The following GCA variants were observed in gnomAD, a reference collection of about 807,000 sequenced individuals.
GCA encodes grancalcin.
A neutral mutation model predicts 32.6 loss-of-function variants in GCA; 30 were observed. The observed-to-expected ratio is 0.92, with a 90% CI of 0.69 to 1.25. GCA has a LOEUF of 1.25. GCA is among the 50% of genes most tolerant of loss of function. GCA has a pLI of 0.00. For missense variants in GCA, 291 were observed against 266.8 expected, an observed-to-expected ratio of 1.09 and a Z score of -0.63; for synonymous variants, 102 against 84.6, an observed-to-expected ratio of 1.21 and a Z score of -1.13.
downstream of GCA, among the ~76,000 whole-genome samples, chr2:162,367,516 C>T (rs978362509): frequency 6.6e-5 from 10 of 151,934 alleles, no homozygotes; most frequent in African/African-American, 2.4e-4. Context: ...GCATGTATAA[C>T]ATCGATTCAG....
intron 3 of GCA, among the ~76,000 whole-genome samples, chr2:162,356,026 C>T (rs1416211278): frequency 6.6e-6 from 1 of 151,966 alleles, no homozygotes; most frequent in East Asian, 1.9e-4. Context: ...CATCATATGT[C>T]ACTCTCTCCC....
At chr2:162,332,362 TATATG>T (rs963274347) in intron 1 of GCA, among the ~76,000 whole-genome samples, 4 of 146,342 alleles carry the variant, frequency 2.7e-5, no homozygotes, top group African/African-American at 5.0e-5. Context: ...ATTTATATAT[TATATG>T]ATATATAAAT....
At chr2:162,345,007 A>C (rs558808760) in intron 1 of GCA, among the ~76,000 whole-genome samples, 3 of 146,646 alleles carry the variant, frequency 2.0e-5, no homozygotes, top group Non-Finnish European at 4.5e-5. Flanking sequence ...AAAAAGAGAA[A>C]TTGTGTTTTA....
chr2:162,320,944 C>A (rs1185816921), intron 1 of GCA, among the ~76,000 whole-genome samples: 1 of 152,182 alleles, frequency 6.6e-6, no homozygotes, highest in East Asian at 1.9e-4. Flanking sequence ...CCTCCTCTAA[C>A]CCTATTAGCA....
chr2:162,369,319 C>G (rs1224339998), intron 4 of GCA, among the ~76,000 whole-genome samples: 2 of 151,988 alleles, frequency 1.3e-5, no homozygotes, highest in Non-Finnish European at 2.9e-5. Flanking sequence ...ACATTTATGC[C>G]CAACTAATCA....
At chr2:162,324,123 T>G (rs13402736) in intron 1 of GCA, among the ~76,000 whole-genome samples, 8,404 of 152,194 alleles carry the variant, frequency 0.055, 808 homozygotes, top group African/African-American at 0.19. Context: ...TTACAGCTTC[T>G]GAAGCCTCAG....
At chr2:162,322,095 A>C (rs1683693978) in intron 1 of GCA, among the ~76,000 whole-genome samples, 1 of 150,300 alleles carries the variant, frequency 6.7e-6, no homozygotes, top group Non-Finnish European at 1.5e-5. Context: ...GTAAGCCTAA[A>C]ATAGAAAAAA....
chr2:162,359,541 A>G lies in GCA; in HGVS notation c.616A>G (p.Ile206Val), dbSNP rs764260531. The G allele has an allele frequency of 3.3e-6, 5 of 1,524,592 alleles. 1 individual carries two copies. The highest frequency in any genetic ancestry group is 3.6e-6 in the Non-Finnish European group (4 of 1,107,102). The allele number at this position is 1,524,592 out of a possible 1,614,324, so 94.4% of individuals were successfully genotyped here. Residue 206 changes from isoleucine (I) to valine (V), a missense_variant, in exon 7 of 8, where the codon ATA becomes GTA. Ile to Val is a conservative substitution (Grantham distance 29, BLOSUM62 3). Transcript: ENST00000437150. Reference protein sequence around the residue: ...DHLQQGSANFIYDDFLQGTMA... With the variant: ...DHLQQGSANFVYDDFLQGTMA... ...CTTGCAACAAGGGTCTGCGAATTTC[A>G]TATATGACGATGTGAGTATCCTGCT...
chr2:162,362,312 C>T lies in GCA; in HGVS notation c.*2069C>T, dbSNP rs1382152222. On this transcript the variant is annotated 3_prime_UTR_variant, in exon 8 of 8. Transcript: ENST00000437150. Reference sequence around the variant, plus strand: ...CCGATCCAACTTAATTGCCAGGCAACTCTTCTGCACTTTACATTAAACAGA... The same window carrying T: ...CCGATCCAACTTAATTGCCAGGCAATTCTTCTGCACTTTACATTAAACAGA... 8.1e-6 allele frequency: 8 copies of T among 984,112 alleles called. 1 individual carries two copies. Among genetic ancestry groups the T allele is most frequent in the Non-Finnish European group, 9.7e-6 (8 of 828,996 alleles). 61.0% of individuals were successfully genotyped at this position (984,112 alleles called of 1,614,324 possible).
chr2:162,325,378 G>C (rs1384045533), intron 1 of GCA, among the ~76,000 whole-genome samples: 1 of 152,090 alleles, frequency 6.6e-6, no homozygotes, highest in East Asian at 1.9e-4. Flanking sequence ...CTAACATACT[G>C]TCTGCTCCTG....
rs1256291358 is a variant in GCA, at chr2:162,356,892, C to T, written c.441C>T (p.Ala147=). ...TAGAACATCATGAGTTGCGTCAAGC[C>T]ATTGGTCTTATGGGTAAGAACATTA... is the stretch of plus-strand genomic sequence containing the variant. ...GTVEHHELRQ[A]IGLMGYRLSP... The change falls in exon 5 of 8, where the codon GCC becomes GCT. Residue 147 remains alanine, a synonymous_variant. Transcript: ENST00000437150. 1.2e-6 allele frequency: 2 copies of T among 1,605,978 alleles called. No homozygotes were observed. The highest frequency in any genetic ancestry group is 1.7e-6 in the Non-Finnish European group (2 of 1,174,574).
chr2:162,348,324 T>C (rs1048731780), intron 2 of GCA, among the ~76,000 whole-genome samples: 1 of 152,150 alleles, frequency 6.6e-6, no homozygotes. Context: ...CTCCCATTTT[T>C]TAAAAAAAAC....
downstream of GCA, among the ~76,000 whole-genome samples, chr2:162,364,034 C>T (rs1286170376): frequency 6.6e-6 from 1 of 151,342 alleles, no homozygotes; most frequent in African/African-American, 2.4e-5. Context: ...CAAAGCTTAC[C>T]GGGAGTGAGA....
At chr2:162,371,840 G>A, downstream of GCA, 13 of 1,608,270 alleles carry the variant, frequency 8.1e-6, no homozygotes, top group Non-Finnish European at 1.1e-5. Context: ...TATTTCCCTG[G>A]AAGACCAGGA....
chr2:162,319,597 GA>G (rs148637816), intron 1 of GCA, among the ~76,000 whole-genome samples: 8,426 of 151,980 alleles, frequency 0.055, 808 homozygotes, highest in African/African-American at 0.19. Flanking sequence ...TGTCATGAGA[GA>G]AAAAAAACAT....
At chr2:162,345,912 A>G (rs920122368) in intron 1 of GCA, among the ~76,000 whole-genome samples, 3 of 152,200 alleles carry the variant, frequency 2.0e-5, no homozygotes, top group African/African-American at 4.8e-5. Context: ...TTAACAAAAT[A>G]TAAAATGTCA....
chr2:162,328,026 C>A, intron 1 of GCA, among the ~76,000 whole-genome samples: 1 of 152,086 alleles, frequency 6.6e-6, no homozygotes, highest in Non-Finnish European at 1.5e-5. Context: ...ACTTGAGGAG[C>A]CCTTTAGCCC....
intron 4 of GCA, 101 bp from the exon 5 acceptor site, chr2:162,356,657 A>T: frequency 2.2e-6 from 2 of 904,840 alleles, no homozygotes; most frequent in Non-Finnish European, 3.5e-6. Context: ...TCATATAATG[A>T]GTTTGGCTAA....
At chr2:162,357,020 G>T in intron 5 of GCA, 115 bp downstream of exon 5, 1 of 657,660 alleles carries the variant, frequency 1.5e-6, no homozygotes, top group South Asian at 2.9e-5. Context: ...TTGCCAGCAA[G>T]TTCCTTTGTT....
Sources: gnomAD v4.1 joint callset for allele counts (sites outside exome capture counted in the v4.1 genomes callset) on GRCh38, gnomAD v4.1.1 for gene constraint, MANE v1.5 for transcripts, NCBI Gene and HGNC (gene_info 2026-07-23, HGNC 2026-07-21) for gene names.